Variants in ALK observed in about 807,000 individuals in gnomAD.
ALK encodes ALK tyrosine kinase receptor.
Under a neutral mutation model 163.1 loss-of-function variants are expected in ALK, and 74 were observed. The observed-to-expected ratio is 0.45, with a 90% CI of 0.38 to 0.55. The LOEUF is 0.55. Among genes scored for constraint, ALK ranks in the 20% least tolerant of loss-of-function variants. ALK has a pLI of 0.00. For missense variants in ALK, 2,063 were observed against 2,105.3 expected (o/e 0.98, Z 0.39); for synonymous variants, 960 against 843.2 (o/e 1.14, Z -2.40).
intron 4 of ALK, among the ~76,000 whole-genome samples, chr2:29,393,106 CT>C (rs958161132): frequency 7.2e-5 from 11 of 152,100 alleles, no homozygotes; most frequent in African/African-American, 2.7e-4. Context: ...TTTAGTACCC[CT>C]AGACCCCCTA....
intron 3 of ALK, among the ~76,000 whole-genome samples, chr2:29,549,162 GCA>G (rs879543626): frequency 2.9e-5 from 3 of 103,702 alleles, no homozygotes; most frequent in Non-Finnish European, 7.1e-5. Flanking sequence ...ACACACACAC[GCA>G]CACACACACG....
intron 3 of ALK, among the ~76,000 whole-genome samples, chr2:29,640,195 T>G (rs149634778): frequency 1.3e-5 from 2 of 152,188 alleles, no homozygotes; most frequent in African/African-American, 4.8e-5. Context: ...AAGTAACTAT[T>G]AAGCATTTAC....
At chr2:29,587,852 A>G (rs919131234) in intron 3 of ALK, among the ~76,000 whole-genome samples, 2 of 152,252 alleles carry the variant, frequency 1.3e-5, no homozygotes, top group Non-Finnish European at 2.9e-5. Context: ...ATATCAAAAT[A>G]TTGATTTAAC....
intron 12 of ALK, among the ~76,000 whole-genome samples, chr2:29,245,639 C>T (rs1283946926): frequency 2.1e-5 from 3 of 143,192 alleles, no homozygotes; most frequent in South Asian, 2.3e-4. Context: ...GCTCAGTGCC[C>T]TGCACATAGT....
chr2:29,370,068 A>G (rs1285273630), intron 5 of ALK, among the ~76,000 whole-genome samples: 2 of 152,174 alleles, frequency 1.3e-5, no homozygotes, highest in Non-Finnish European at 1.5e-5. Context: ...ACTAACAAGA[A>G]AGAAAGACAT....
At chr2:29,640,489 A>G (rs1676670788) in intron 3 of ALK, among the ~76,000 whole-genome samples, 1 of 152,136 alleles carries the variant, frequency 6.6e-6, no homozygotes, top group Non-Finnish European at 1.5e-5. Context: ...GCCTTCTGCC[A>G]TGATTGTAAG....
intron 1 of ALK, among the ~76,000 whole-genome samples, chr2:29,910,993 A>G (rs1218905798): frequency 2.0e-5 from 3 of 152,180 alleles, no homozygotes; most frequent in East Asian, 1.9e-4. Context: ...CAACAACAAG[A>G]AAAACAAAAA....
At chr2:29,208,076 GTC>G (rs3832036) in intron 25 of ALK, 133,106 of 453,344 alleles carry the variant, frequency 0.29, 24,525 homozygotes, top group East Asian at 0.73. Context: ...AAATAGGTCA[GTC>G]TCTCTCTCCC....
chr2:29,224,913 T>A (rs1051935531), intron 19 of ALK, among the ~76,000 whole-genome samples: 2 of 152,232 alleles, frequency 1.3e-5, no homozygotes, highest in African/African-American at 4.8e-5. Context: ...GTCCTGGGCA[T>A]GTCTCTGCCA....
At chr2:29,668,159 ATT>A (rs1328212552) in intron 3 of ALK, among the ~76,000 whole-genome samples, 1 of 151,924 alleles carries the variant, frequency 6.6e-6, no homozygotes, top group Non-Finnish European at 1.5e-5. Flanking sequence ...TAATTTCATT[ATT>A]TGAGTATTCT....
At chr2:29,260,573 A>C (rs993166329) in intron 11 of ALK, among the ~76,000 whole-genome samples, 1 of 152,150 alleles carries the variant, frequency 6.6e-6, no homozygotes, top group Non-Finnish European at 1.5e-5. Flanking sequence ...GTGGTGACTC[A>C]TGCCTGTAAT....
At chr2:29,655,836 G>A (rs1430295779) in intron 3 of ALK, among the ~76,000 whole-genome samples, 1 of 152,182 alleles carries the variant, frequency 6.6e-6, no homozygotes, top group South Asian at 2.1e-4. Context: ...AACTTGGAAC[G>A]AATCCAGGTC....
intron 3 of ALK, among the ~76,000 whole-genome samples, chr2:29,663,819 T>C (rs1189109795): frequency 6.6e-6 from 1 of 152,186 alleles, no homozygotes; most frequent in East Asian, 1.9e-4. Flanking sequence ...CTGTAACCTA[T>C]TATGTTTAAG....
intron 3 of ALK, among the ~76,000 whole-genome samples, chr2:29,612,593 C>T (rs761269835): frequency 2.0e-5 from 3 of 152,180 alleles, no homozygotes; most frequent in Admixed American, 6.5e-5. Flanking sequence ...TCAATGCTCC[C>T]GAATTCCCCC....
chr2:29,253,962 C>T (rs1373850982), intron 11 of ALK, among the ~76,000 whole-genome samples: 4 of 152,132 alleles, frequency 2.6e-5, no homozygotes, highest in African/African-American at 9.6e-5. Context: ...CCCATAATTC[C>T]CATGTGTCAT....
intron 2 of ALK, among the ~76,000 whole-genome samples, chr2:29,704,587 A>G (rs1678841603): frequency 6.6e-6 from 1 of 151,070 alleles, no homozygotes; most frequent in Non-Finnish European, 1.5e-5. Flanking sequence ...GCAAAAACAT[A>G]TATGGCTACG....
rs759748510 is a variant in ALK at position 29,920,565 on chromosome 2, G to A, written c.95C>T (p.Pro32Leu). 31 of 1,595,582 alleles carry A rather than the reference G, an allele frequency of 1.9e-5. No homozygotes were observed. The highest frequency in any genetic ancestry group is 2.6e-5 in the Non-Finnish European group (31 of 1,174,310). The change falls in exon 1 of 29, where the codon CCA becomes CTA. Residue 32 changes from proline (P) to leucine (L), a missense_variant. Pro to Leu is a moderately conservative substitution (Grantham distance 98, BLOSUM62 -3). Transcript: ENST00000389048. Reference protein sequence around the residue: ...GMGTGQRAGSPAAGPPLQPRE... With the variant: ...GMGTGQRAGSLAAGPPLQPRE... ...GGGCTGCAGCGGCGGCCCCGCAGCT[G>A]GGGAGCCCGCGCGCTGGCCGGTCCC...
At chr2:29,223,939 T>G (rs896484011) in intron 19 of ALK, 1 of 319,612 alleles carries the variant, frequency 3.1e-6, no homozygotes, top group Non-Finnish European at 5.8e-6. Flanking sequence ...TAACCCCACG[T>G]GAACGAGGGA....
At chr2:29,565,831 T>C (rs1674169253) in intron 3 of ALK, among the ~76,000 whole-genome samples, 1 of 152,102 alleles carries the variant, frequency 6.6e-6, no homozygotes, top group Non-Finnish European at 1.5e-5. Context: ...ACCTCTCGCA[T>C]AGGAGTTTGA....
Sources: allele counts gnomAD v4.1 joint callset (sites outside exome capture counted in the v4.1 genomes callset), GRCh38; gene constraint gnomAD v4.1.1; transcripts MANE v1.5; gene names NCBI Gene and HGNC (gene_info 2026-07-23, HGNC 2026-07-21).